The following FAAH2 variants were observed in gnomAD, a reference collection of about 807,000 sequenced individuals.
The protein encoded by FAAH2 is fatty-acid amide hydrolase 2.
FAAH2 carries 60 observed loss-of-function variants against 36.9 expected under a neutral mutation model. The observed-to-expected ratio is 1.63, with a 90% CI of 1.32 to 2.02. The LOEUF is 2.02. Among genes scored for constraint, FAAH2 ranks in the 30% most tolerant of loss-of-function variants. FAAH2 has a pLI of 0.00. For missense variants in FAAH2, 689 were observed against 397.5 expected, an observed-to-expected ratio of 1.73 and a Z score of -6.23; for synonymous variants, 214 against 143.8, an observed-to-expected ratio of 1.49 and a Z score of -3.49.
At chrX:57,245,299 A>G in the FAAH2 span, among the ~76,000 whole-genome samples, 1 of 111,507 alleles carries the variant, frequency 9.0e-6, no homozygotes, top group Non-Finnish European at 1.9e-5. Context: ...TTAACACCCC[A>G]TTGTTAATAT....
At chrX:57,289,034 C>A (rs899744824) in intron 1 of FAAH2, among the ~76,000 whole-genome samples, 3 of 112,072 alleles carry the variant, frequency 2.7e-5, no homozygotes, top group Non-Finnish European at 3.8e-5. Flanking sequence ...TAAACACCTA[C>A]CATGTGCCAC....
At chrX:57,338,669 A>G (rs1388884765) in intron 4 of FAAH2, among the ~76,000 whole-genome samples, 1 of 111,339 alleles carries the variant, frequency 9.0e-6, no homozygotes, top group Non-Finnish European at 1.9e-5. Flanking sequence ...AATTGCTACA[A>G]AAGAATACGA....
At chrX:57,460,652 C>A (rs771292718) in intron 10 of FAAH2, among the ~76,000 whole-genome samples, 9 of 111,709 alleles carry the variant, frequency 8.1e-5, no homozygotes, top group Non-Finnish European at 1.5e-4. Context: ...CTGAAGAAAT[C>A]ACTAAATATG....
chrX:57,293,988 G>A (rs1350140103), intron 2 of FAAH2, among the ~76,000 whole-genome samples: 1 of 111,909 alleles, frequency 8.9e-6, no homozygotes, highest in Non-Finnish European at 1.9e-5. Context: ...TGCATGCTAT[G>A]TGTGACATCT....
chrX:57,463,474 G>T lies in FAAH2; in HGVS notation c.1423+14756G>T, dbSNP rs369946959. ...ACCAAAACAGATATATAGACCAATA[G>T]AACAGAACAGAGGCCTTAGAAGTAA... On this transcript the variant is annotated intron_variant, in intron 10 of 10. Coordinates refer to ENST00000374900, the MANE Select transcript of FAAH2 (RefSeq NM_174912.4). Among the ~76,000 whole-genome samples the T allele has an allele frequency of 1.4e-4, 15 of 111,078 alleles. No homozygotes were observed. In the South Asian group the frequency reaches 5.3e-3, roughly 39 times the overall value.
At chrX:57,295,315 T>G (rs2052104081) in intron 2 of FAAH2, among the ~76,000 whole-genome samples, 1 of 112,278 alleles carries the variant, frequency 8.9e-6, no homozygotes, top group Non-Finnish European at 1.9e-5. Flanking sequence ...AACAATGGTG[T>G]CAGGAACAGC....
intron 5 of FAAH2, among the ~76,000 whole-genome samples, chrX:57,376,950 T>G (rs1319821463): frequency 8.9e-6 from 1 of 112,248 alleles, no homozygotes; most frequent in Non-Finnish European, 1.9e-5. Flanking sequence ...GCTGCATAAA[T>G]GTCTTCTTTT....
At chrX:57,272,995 A>G in the FAAH2 span, among the ~76,000 whole-genome samples, 1 of 112,054 alleles carries the variant, frequency 8.9e-6, no homozygotes, top group South Asian at 3.7e-4. Context: ...AAGACACCTC[A>G]GTGTGCTGTA....
chrX:57,270,644 A>G, the FAAH2 span, among the ~76,000 whole-genome samples: 8 of 111,615 alleles, frequency 7.2e-5, no homozygotes, highest in Non-Finnish European at 1.3e-4. Context: ...GGTTCATCTC[A>G]ATGGGACTGG....
At chrX:57,189,704 A>G in the FAAH2 span, among the ~76,000 whole-genome samples, 1 of 111,697 alleles carries the variant, frequency 9.0e-6, no homozygotes, top group Admixed American at 9.5e-5. Flanking sequence ...TTGTTTGGGT[A>G]TCACCAGTGG....
chrX:57,291,464 G>A (rs190358203), intron 1 of FAAH2, among the ~76,000 whole-genome samples: 1 of 111,258 alleles, frequency 9.0e-6, no homozygotes, highest in Admixed American at 9.5e-5. Flanking sequence ...TTGTCTTTTT[G>A]TTCCAGATGA....
chrX:57,432,708 T>C (rs1321308641), intron 8 of FAAH2, among the ~76,000 whole-genome samples: 2 of 111,566 alleles, frequency 1.8e-5, no homozygotes, highest in Non-Finnish European at 1.9e-5. Flanking sequence ...AGAATTTAAC[T>C]TTTGTGAATA....
chrX:57,318,023 G>A (rs1040044528), intron 3 of FAAH2, among the ~76,000 whole-genome samples: 7 of 111,545 alleles, frequency 6.3e-5, no homozygotes, highest in Non-Finnish European at 1.1e-4. Context: ...GTGTTTAGAG[G>A]GAAATTTATA....
intron 7 of FAAH2, 92 bp from the exon 8 acceptor site, chrX:57,431,826 G>A (rs939432694): frequency 7.0e-5 from 45 of 641,875 alleles, no homozygotes; most frequent in East Asian, 1.3e-4. Flanking sequence ...AGGGCCTGGC[G>A]CTTTCTGCTC....
chrX:57,467,496 C>T (rs371666570), intron 10 of FAAH2, among the ~76,000 whole-genome samples: 3 of 111,936 alleles, frequency 2.7e-5, no homozygotes, highest in African/African-American at 9.7e-5. Context: ...TGGAGCCACA[C>T]TCATTGCTAG....
chrX:57,297,401 G>A (rs1300506868), intron 2 of FAAH2, among the ~76,000 whole-genome samples: 2 of 110,701 alleles, frequency 1.8e-5, no homozygotes, highest in Non-Finnish European at 3.8e-5. Flanking sequence ...ACAAGCAAAT[G>A]CTGAGAGATT....
the FAAH2 span, among the ~76,000 whole-genome samples, chrX:57,241,037 C>T: frequency 7.1e-5 from 8 of 112,050 alleles, no homozygotes; most frequent in Non-Finnish European, 1.1e-4. Context: ...GCCATTCTGG[C>T]ACCAAAACCT....
chrX:57,361,400 C>T (rs1314189514), intron 5 of FAAH2, among the ~76,000 whole-genome samples: 1 of 111,192 alleles, frequency 9.0e-6, no homozygotes, highest in Non-Finnish European at 1.9e-5. Flanking sequence ...ACTCTTTCTA[C>T]TTTTTTGATA....
chrX:57,344,465 C>A (rs1001217330), intron 5 of FAAH2, among the ~76,000 whole-genome samples: 1 of 111,473 alleles, frequency 9.0e-6, no homozygotes, highest in Non-Finnish European at 1.9e-5. Context: ...TGTCCTGAAA[C>A]TTTACTAAAG....
Sources: gnomAD v4.1 joint callset for allele counts (sites outside exome capture counted in the v4.1 genomes callset) on GRCh38, gnomAD v4.1.1 for gene constraint, MANE v1.5 for transcripts, NCBI Gene and HGNC (gene_info 2026-07-23, HGNC 2026-07-21) for gene names.